Variants in GRM7 observed in about 807,000 individuals in gnomAD.
GRM7 encodes glutamate metabotropic receptor 7.
In GRM7, 35 loss-of-function variants were observed where a neutral mutation model predicts 84.5. That is an observed-to-expected ratio of 0.41 (90% CI 0.32 to 0.55). The LOEUF is 0.55. GRM7 is among the 20% of genes least tolerant of loss of function. The pLI, the probability that GRM7 is intolerant of heterozygous loss-of-function variation, is 0.19. For missense variants in GRM7, 1,003 were observed against 1,194.6 expected (o/e 0.84, Z 2.36); for synonymous variants, 487 against 455.1 (o/e 1.07, Z -0.89).
chr3:7,078,753 A>G (rs2124994282), intron 1 of GRM7, among the ~76,000 whole-genome samples: 1 of 152,270 alleles, frequency 6.6e-6, no homozygotes, highest in African/African-American at 2.4e-5. Flanking sequence ...ATTCTGAATA[A>G]TGAATGACTT....
chr3:7,150,634 A>G (rs1338827365), intron 2 of GRM7, among the ~76,000 whole-genome samples: 1 of 152,218 alleles, frequency 6.6e-6, no homozygotes, highest in Non-Finnish European at 1.5e-5. Context: ...ATTTGCATAA[A>G]TTGCCCTGTT....
chr3:7,249,848 G>C (rs556845312), intron 2 of GRM7, among the ~76,000 whole-genome samples: 1 of 152,206 alleles, frequency 6.6e-6, no homozygotes, highest in Non-Finnish European at 1.5e-5. Flanking sequence ...AGTCATCAGG[G>C]GCCTGCACTA....
chr3:7,723,964 C>T (rs1458334645), intron 9 of GRM7, among the ~76,000 whole-genome samples: 1 of 152,120 alleles, frequency 6.6e-6, no homozygotes, highest in African/African-American at 2.4e-5. Flanking sequence ...ATCCATCCAC[C>T]ATCTCCTACC....
chr3:7,245,064 A>G (rs1363201904), intron 2 of GRM7, among the ~76,000 whole-genome samples: 2 of 152,016 alleles, frequency 1.3e-5, no homozygotes, highest in African/African-American at 4.8e-5. Flanking sequence ...TTAATGGCGT[A>G]CTGGATATAA....
chr3:7,366,061 A>C (rs1356601359), intron 4 of GRM7, among the ~76,000 whole-genome samples: 6 of 151,676 alleles, frequency 4.0e-5, no homozygotes, highest in Non-Finnish European at 8.9e-5. Context: ...GGACTGTGAG[A>C]TCAAATTGTT....
chr3:6,862,797 C>A lies in GRM7; in HGVS notation c.519+890C>A, dbSNP rs1375598151. 2 of 316,200 alleles carry A rather than the reference C, an allele frequency of 6.3e-6. No individual in the cohort carries two copies. The highest frequency in any genetic ancestry group is 6.3e-6 in the Non-Finnish European group (1 of 158,838). The allele number at this position is 316,200 out of a possible 1,614,324, so 19.6% of individuals were successfully genotyped here. On this transcript the variant is annotated intron_variant, in intron 1 of 9. Coordinates refer to ENST00000357716, the MANE Select transcript of GRM7 (RefSeq NM_000844.4). This position sits in a 1 kb window ranked among gnomAD's most constrained non-coding sequence, Gnocchi z 5.2. ...AATCCTCGGCTTGGAGGACGATTCC[C>A]GGAGCGAGGCATGAAGGCGCCCGTT...
chr3:7,373,977 G>C (rs1369523627), intron 4 of GRM7, among the ~76,000 whole-genome samples: 1 of 152,124 alleles, frequency 6.6e-6, no homozygotes, highest in Non-Finnish European at 1.5e-5. Context: ...GGGAAGTGCA[G>C]CTCTGAATAG....
intron 9 of GRM7, chr3:7,691,408 G>C: frequency 2.7e-6 from 1 of 368,632 alleles, no homozygotes. Context: ...AAACTGGACT[G>C]GGAGTCCCAT....
chr3:6,940,194 C>A (rs866980369), intron 1 of GRM7, among the ~76,000 whole-genome samples: 1 of 152,066 alleles, frequency 6.6e-6, no homozygotes. Context: ...CGGGTTCAAG[C>A]GATACTCCTG....
At chr3:6,955,994 A>G (rs1663614525) in intron 1 of GRM7, among the ~76,000 whole-genome samples, 1 of 152,192 alleles carries the variant, frequency 6.6e-6, no homozygotes, top group African/African-American at 2.4e-5. Flanking sequence ...AGAAATATTA[A>G]TATCTGTGCT....
At chr3:7,253,159 A>G (rs879165082) in intron 2 of GRM7, among the ~76,000 whole-genome samples, 1 of 151,782 alleles carries the variant, frequency 6.6e-6, no homozygotes, top group Middle Eastern at 3.2e-3. Context: ...AGCACTCTCT[A>G]TTTTAAAATA....
chr3:7,073,313 TA>T (rs1434896380), intron 1 of GRM7, among the ~76,000 whole-genome samples: 1 of 152,042 alleles, frequency 6.6e-6, no homozygotes, highest in Non-Finnish European at 1.5e-5. Context: ...GTTGCCTTGT[TA>T]AAATGGATGT....
At chr3:7,652,940 ACATCCCTGGTTCAGGCTGAACTCAC>A (rs1559466128) in intron 8 of GRM7, among the ~76,000 whole-genome samples, 1 of 152,126 alleles carries the variant, frequency 6.6e-6, no homozygotes, top group African/African-American at 2.4e-5. Flanking sequence ...CACATCAGGC[ACATCCCTGGTTCAGGCTGAACTCAC>A]CATCCCTGTT....
intron 4 of GRM7, among the ~76,000 whole-genome samples, chr3:7,325,318 A>G (rs1388400456): frequency 6.6e-6 from 1 of 152,202 alleles, no homozygotes; most frequent in East Asian, 1.9e-4. Flanking sequence ...AGAAATTTTG[A>G]CCAAAGGACC....
intron 5 of GRM7, among the ~76,000 whole-genome samples, chr3:7,418,281 A>T (rs1696254980): frequency 6.6e-6 from 1 of 152,202 alleles, no homozygotes; most frequent in Admixed American, 6.5e-5. Context: ...ATAACCGTTG[A>T]TATAGATCAG....
In GRM7 at chr3:7,248,995, C is replaced by A. The variant is rs577909785; in HGVS notation, c.737-49689C>A. Among the ~76,000 whole-genome samples the A allele has an allele frequency of 3.3e-5, 5 of 152,242 alleles. No homozygotes were observed. The South Asian group carries it at 1.0e-3, about 32-fold the overall frequency. ...GAGAAAATAAATATAGATCAGTAGA[C>A]AGCCATAGATATGAACATGGATATA... On this transcript the variant is annotated intron_variant, in intron 2 of 9. Coordinates refer to ENST00000357716, the MANE Select transcript of GRM7 (RefSeq NM_000844.4).
In GRM7 at chr3:7,564,726, T is replaced by A. The variant is rs114577916; in HGVS notation, c.1516-13696T>A. Reference sequence around the variant, plus strand: ...ATCATGCTATTCCTTACACGTGTCATCTTATTTAGTCTTCCTACCTAATAA... The same window carrying A: ...ATCATGCTATTCCTTACACGTGTCAACTTATTTAGTCTTCCTACCTAATAA... On this transcript the variant is annotated intron_variant, in intron 7 of 9. Coordinates refer to ENST00000357716, the MANE Select transcript of GRM7 (RefSeq NM_000844.4). Among the ~76,000 whole-genome samples the A allele has an allele frequency of 8.8e-3, 1,337 of 152,300 alleles. 22 individuals carry two copies. Among genetic ancestry groups the A allele is most frequent in the African/African-American group, 0.029 (1,221 of 41,562 alleles).
chr3:6,887,379 C>G lies in GRM7; in HGVS notation c.519+25472C>G, dbSNP rs559726975. Among the ~76,000 whole-genome samples the G allele has an allele frequency of 2.9e-4, 44 of 152,090 alleles. No individual in the cohort carries two copies. The South Asian group carries it at 8.3e-3, about 29-fold the overall frequency. ...ATATCTCCTAATGCTATCCCTCCCC[C>G]CTTCCCCCACCCCACAACAGTCCAC... On this transcript the variant is annotated intron_variant, in intron 1 of 9. Transcript: ENST00000357716.
chr3:7,622,459 T>C (rs1442869231), intron 8 of GRM7, among the ~76,000 whole-genome samples: 1 of 152,078 alleles, frequency 6.6e-6, no homozygotes. Flanking sequence ...ATGGCCCTCA[T>C]TTCAAGAAGC....
Sources: gnomAD v4.1 joint callset for allele counts (sites outside exome capture counted in the v4.1 genomes callset) on GRCh38, gnomAD v4.1.1 for gene constraint, Gnocchi (gnomAD v3.1) non-coding constraint, MANE v1.5 for transcripts, NCBI Gene and HGNC (gene_info 2026-07-23, HGNC 2026-07-21) for gene names.